Variants in GLG1 observed in about 807,000 individuals in gnomAD.
GLG1 encodes the protein golgi glycoprotein 1.
Under a neutral mutation model 160.5 loss-of-function variants are expected in GLG1, and 38 were observed. The observed-to-expected ratio is 0.24, with a 90% confidence interval of 0.18 to 0.31. The LOEUF is 0.31. Among genes scored for constraint, GLG1 ranks in the 10% least tolerant of loss-of-function variants. GLG1 has a pLI of 1.00. For missense variants in GLG1, 1,373 were observed against 1,505.2 expected (o/e 0.91, Z 1.45); for synonymous variants, 644 against 543.4 (o/e 1.19, Z -2.57).
intron 1 of GLG1, among the ~76,000 whole-genome samples, chr16:74,582,227 G>C (rs997149900): frequency 6.6e-6 from 1 of 151,948 alleles, no homozygotes; most frequent in Non-Finnish European, 1.5e-5. Flanking sequence ...AGTGCAATGG[G>C]GCAATCTCAG....
At chr16:74,508,700 C>A (rs1336398482) in intron 3 of GLG1, 139 bp downstream of exon 3, 4 of 578,168 alleles carry the variant, frequency 6.9e-6, no homozygotes, top group Non-Finnish European at 1.2e-5. Flanking sequence ...ATTACACCCC[C>A]CAACTTCCTA....
intron 1 of GLG1, among the ~76,000 whole-genome samples, chr16:74,587,734 C>T (rs1200966295): frequency 6.6e-6 from 1 of 152,074 alleles, no homozygotes; most frequent in African/African-American, 2.4e-5. Context: ...GGCATTGTGG[C>T]ACGTGCCTGT....
At chr16:74,505,347 A>T (rs541020019) in intron 3 of GLG1, among the ~76,000 whole-genome samples, 84 of 152,392 alleles carry the variant, frequency 5.5e-4, no homozygotes, top group Middle Eastern at 3.4e-3. Flanking sequence ...CACTGGTTTC[A>T]GAGACAGCAG....
intron 3 of GLG1, among the ~76,000 whole-genome samples, chr16:74,504,138 C>T (rs572282244): frequency 3.3e-5 from 5 of 152,102 alleles, no homozygotes; most frequent in Non-Finnish European, 7.4e-5. Flanking sequence ...GGGGATGAAT[C>T]TAGGGAGGAA....
intron 12 of GLG1, 79 bp downstream of exon 12, chr16:74,477,317 T>C (rs925825307): frequency 9.7e-5 from 99 of 1,018,396 alleles, no homozygotes; most frequent in Middle Eastern, 2.0e-4. Flanking sequence ...ATGGATTTTA[T>C]GGTGTTTGTA....
intron 1 of GLG1, among the ~76,000 whole-genome samples, chr16:74,577,519 T>C (rs1322713353): frequency 1.5e-5 from 1 of 67,900 alleles, no homozygotes; most frequent in Non-Finnish European, 2.6e-5. Flanking sequence ...TGAAACTCCA[T>C]CTCAAAAAAA....
chr16:74,558,578 C>T lies in GLG1; in HGVS notation c.439-26425G>A, dbSNP rs756297403. On this transcript the variant is annotated intron_variant, in intron 1 of 25. Coordinates refer to ENST00000422840, the MANE Select transcript of GLG1 (RefSeq NM_001145667.2). ...TTTCGCCCATGTTTCCATGGATACA[C>T]ACACATTTGTAAATTTCAGGACTTG... 9.4e-4 allele frequency among the ~76,000 whole-genome samples: 143 copies of T among 152,340 alleles called. 1 individual carries two copies. Among genetic ancestry groups the T allele is most frequent in the Non-Finnish European group, 2.6e-4 (18 of 68,032 alleles).
In GLG1 at chr16:74,470,596, C is replaced by G. The variant is rs1041436128; in HGVS notation, c.2230-523G>C. Among the ~76,000 whole-genome samples, 4 of 149,382 alleles carry G rather than the reference C, an allele frequency of 2.7e-5. No homozygotes were observed. The East Asian group carries it at 8.0e-4, about 30-fold the overall frequency. ...CCCGAGTAGCTGGGATTACAGGCACCCGCCATCACGCCAGGCTAATTTTGT... is the reference window on the plus strand; with the variant it reads ...CCCGAGTAGCTGGGATTACAGGCACGCGCCATCACGCCAGGCTAATTTTGT... On this transcript the variant is annotated intron_variant, in intron 15 of 25. Transcript: ENST00000422840.
intron 1 of GLG1, among the ~76,000 whole-genome samples, chr16:74,590,301 T>A (rs1422292331): frequency 6.6e-6 from 1 of 151,974 alleles, no homozygotes; most frequent in African/African-American, 2.4e-5. Context: ...GCCTAGCCGA[T>A]AATTTTTCTT....
At chr16:74,550,825 T>C (rs1225501216) in intron 1 of GLG1, among the ~76,000 whole-genome samples, 6 of 152,230 alleles carry the variant, frequency 3.9e-5, no homozygotes, top group African/African-American at 1.4e-4. Context: ...TTTGGAATGC[T>C]ACATTTTGAT....
chr16:74,464,959 C>G (rs1373608115), intron 19 of GLG1, among the ~76,000 whole-genome samples: 2 of 152,158 alleles, frequency 1.3e-5, no homozygotes, highest in Admixed American at 1.3e-4. Context: ...TTGCCTCAGC[C>G]TCCTGAATAG....
At chr16:74,596,890 G>A (rs1425743726) in intron 1 of GLG1, among the ~76,000 whole-genome samples, 1 of 152,216 alleles carries the variant, frequency 6.6e-6, no homozygotes, top group Non-Finnish European at 1.5e-5. Flanking sequence ...GCCAAGGCAG[G>A]AGGACTGCTT....
chr16:74,589,395 A>G (rs981032149), intron 1 of GLG1, among the ~76,000 whole-genome samples: 2 of 152,226 alleles, frequency 1.3e-5, no homozygotes, highest in African/African-American at 2.4e-5. Flanking sequence ...AAGCAGACCT[A>G]GCTGGCAGGG....
chr16:74,483,958 C>A (rs1221642955), intron 9 of GLG1, among the ~76,000 whole-genome samples: 1 of 152,062 alleles, frequency 6.6e-6, no homozygotes, highest in Non-Finnish European at 1.5e-5. Context: ...CGTGCCCGGC[C>A]CAGATATTTT....
intron 16 of GLG1, chr16:74,469,319 C>T: frequency 1.9e-6 from 1 of 520,510 alleles, no homozygotes; most frequent in Non-Finnish European, 3.5e-6. Flanking sequence ...CACATGTGTG[C>T]AACGACAGTT....
intron 19 of GLG1, among the ~76,000 whole-genome samples, chr16:74,464,953 C>T (rs2014945312): frequency 6.6e-6 from 1 of 152,166 alleles, no homozygotes; most frequent in South Asian, 2.1e-4. Flanking sequence ...ATTCTCTTGC[C>T]TCAGCCTCCT....
chr16:74,511,000 G>C (rs2016786328), intron 2 of GLG1, among the ~76,000 whole-genome samples: 1 of 152,128 alleles, frequency 6.6e-6, no homozygotes, highest in South Asian at 2.1e-4. Flanking sequence ...TTAGGCAGAT[G>C]ACACCGCATC....
intron 14 of GLG1, 77 bp from the exon 15 acceptor site, chr16:74,471,363 T>TGCAA: frequency 1.2e-6 from 1 of 822,124 alleles, no homozygotes; most frequent in Non-Finnish European, 2.1e-6. Flanking sequence ...CCGAAACAAA[T>TGCAA]GCAAGCAAGG....
intron 1 of GLG1, among the ~76,000 whole-genome samples, chr16:74,587,666 G>C (rs144294462): frequency 0.015 from 2,213 of 152,266 alleles, 15 homozygotes; most frequent in Middle Eastern, 0.037. Context: ...AAGAGATCAA[G>C]ACCATCCTGG....
Sources: gnomAD v4.1 joint callset for allele counts (sites outside exome capture counted in the v4.1 genomes callset) on GRCh38, gnomAD v4.1.1 for gene constraint, MANE v1.5 for transcripts, NCBI Gene and HGNC (gene_info 2026-07-23, HGNC 2026-07-21) for gene names.